Variants in TMEFF1 observed in about 807,000 individuals in gnomAD.
TMEFF1 encodes tomoregulin-1.
In TMEFF1, 20 loss-of-function variants were observed where a neutral mutation model predicts 47.5. That is an observed-to-expected ratio of 0.42 (90% confidence interval 0.30 to 0.61). The LOEUF (loss-of-function observed/expected upper bound fraction) is 0.61. Ranked by LOEUF, TMEFF1 falls within the 20% of genes least tolerant of loss-of-function variation. The pLI is 0.19. For missense variants in TMEFF1, 411 were observed against 471.1 expected (o/e 0.87, Z 1.18); for synonymous variants, 162 against 166.3 (o/e 0.97, Z 0.20).
intron 1 of TMEFF1, among the ~76,000 whole-genome samples, chr9:100,490,649 G>A (rs570008355): frequency 2.3e-4 from 35 of 151,428 alleles, no homozygotes; most frequent in Admixed American, 3.3e-4. Flanking sequence ...CTTATGCTTC[G>A]TCTGTGGTAT....
At chr9:100,499,694 G>A (rs1166092290) in intron 2 of TMEFF1, among the ~76,000 whole-genome samples, 1 of 152,184 alleles carries the variant, frequency 6.6e-6, no homozygotes, top group East Asian at 1.9e-4. Flanking sequence ...ATGAGCTCAG[G>A]TAATTTTCTT....
At chr9:100,485,039 A>G (rs1837423395) in intron 1 of TMEFF1, among the ~76,000 whole-genome samples, 1 of 152,200 alleles carries the variant, frequency 6.6e-6, no homozygotes, top group African/African-American at 2.4e-5. Context: ...ATGGAATCAT[A>G]CAATATGACC....
chr9:100,543,704 AACACACACACACACACACACAC>A (rs36046142), intron 5 of TMEFF1, among the ~76,000 whole-genome samples: 2 of 138,824 alleles, frequency 1.4e-5, no homozygotes, highest in Non-Finnish European at 3.1e-5. Context: ...GATGAAGTAA[AACACACACACACACACACACAC>A]ACACACACAC....
chr9:100,494,269 A>T (rs1324064842), intron 1 of TMEFF1, among the ~76,000 whole-genome samples: 1 of 151,490 alleles, frequency 6.6e-6, no homozygotes, highest in African/African-American at 2.4e-5. Context: ...GATTCTCTTG[A>T]TAAATTTTAT....
At chr9:100,489,556 A>G (rs1438802925) in intron 1 of TMEFF1, among the ~76,000 whole-genome samples, 1 of 152,264 alleles carries the variant, frequency 6.6e-6, no homozygotes, top group East Asian at 1.9e-4. Context: ...TAAAAGTAAT[A>G]CAAGTTTGTT....
At chr9:100,481,926 C>T (rs1374774286) in intron 1 of TMEFF1, among the ~76,000 whole-genome samples, 5 of 151,048 alleles carry the variant, frequency 3.3e-5, no homozygotes, top group Middle Eastern at 3.2e-3. Context: ...GTACTGCAGG[C>T]GCATACCACT....
At chr9:100,533,713 T>C (rs1479416986) in intron 5 of TMEFF1, among the ~76,000 whole-genome samples, 1 of 152,160 alleles carries the variant, frequency 6.6e-6, no homozygotes, top group East Asian at 1.9e-4. Context: ...ATTTTTTGTC[T>C]TTTTATTTTA....
chr9:100,529,476 A>G (rs2118439741), intron 5 of TMEFF1, among the ~76,000 whole-genome samples: 1 of 146,358 alleles, frequency 6.8e-6, no homozygotes, highest in South Asian at 2.3e-4. Flanking sequence ...AAACCAACAA[A>G]GATCAAAAGA....
At chr9:100,497,621 G>A (rs1837676533) in intron 1 of TMEFF1, among the ~76,000 whole-genome samples, 1 of 151,960 alleles carries the variant, frequency 6.6e-6, no homozygotes, top group African/African-American at 2.4e-5. Context: ...GGGAATAAAT[G>A]GGGTAGAGAG....
At chr9:100,555,440 T>C (rs945787980) in intron 7 of TMEFF1, among the ~76,000 whole-genome samples, 2 of 152,210 alleles carry the variant, frequency 1.3e-5, no homozygotes, top group Non-Finnish European at 2.9e-5. Context: ...GCCATTCTGC[T>C]TTTTATCTGT....
chr9:100,527,345 G>A (rs1838281283), intron 5 of TMEFF1, among the ~76,000 whole-genome samples: 1 of 152,172 alleles, frequency 6.6e-6, no homozygotes, highest in Non-Finnish European at 1.5e-5. Flanking sequence ...CATCTCACTA[G>A]GGAGTGCCAG....
chr9:100,533,917 C>T (rs1272202330), intron 5 of TMEFF1, among the ~76,000 whole-genome samples: 1 of 152,028 alleles, frequency 6.6e-6, no homozygotes, highest in Non-Finnish European at 1.5e-5. Context: ...TGAAGTTTCA[C>T]CATGTTGGCC....
At chr9:100,518,312 A>G (rs1283431417) in intron 5 of TMEFF1, 1 of 329,678 alleles carries the variant, frequency 3.0e-6, no homozygotes, top group African/African-American at 2.2e-5. Context: ...ACACCTCCTC[A>G]TAGTGTAATA....
chr9:100,520,960 T>C (rs973248600), intron 5 of TMEFF1, among the ~76,000 whole-genome samples: 4 of 152,218 alleles, frequency 2.6e-5, no homozygotes, highest in African/African-American at 9.7e-5. Context: ...AATGTTTTCT[T>C]CTCTCTTGTA....
At chr9:100,527,097 C>T (rs895743095) in intron 5 of TMEFF1, among the ~76,000 whole-genome samples, 10 of 150,820 alleles carry the variant, frequency 6.6e-5, no homozygotes, top group African/African-American at 2.2e-4. Flanking sequence ...GAGCCAAAAT[C>T]GCGCCACTGC....
At chr9:100,517,898 T>C (rs1482055630) in intron 5 of TMEFF1, among the ~76,000 whole-genome samples, 1 of 152,232 alleles carries the variant, frequency 6.6e-6, no homozygotes, top group Non-Finnish European at 1.5e-5. Flanking sequence ...TTTGTACTAA[T>C]GATATGGCAT....
chr9:100,506,561 C>T (rs543800051), intron 2 of TMEFF1, among the ~76,000 whole-genome samples: 2 of 151,728 alleles, frequency 1.3e-5, no homozygotes, highest in African/African-American at 2.4e-5. Flanking sequence ...GTCAGGAGAT[C>T]GAGACCATCC....
chr9:100,533,865 T>G (rs1838451427), intron 5 of TMEFF1, among the ~76,000 whole-genome samples: 2 of 152,108 alleles, frequency 1.3e-5, no homozygotes, highest in African/African-American at 4.8e-5. Flanking sequence ...ATTACAGGCG[T>G]GCACCACCAT....
chr9:100,515,860 G>A (rs1411925879), intron 4 of TMEFF1, among the ~76,000 whole-genome samples: 2 of 151,728 alleles, frequency 1.3e-5, no homozygotes, highest in Non-Finnish European at 2.9e-5. Context: ...AACCAAATTC[G>A]AGGGAAATCC....
Sources: gnomAD v4.1 joint callset for allele counts (sites outside exome capture counted in the v4.1 genomes callset) on GRCh38, gnomAD v4.1.1 for gene constraint, MANE v1.5 for transcripts, NCBI Gene and HGNC (gene_info 2026-07-23, HGNC 2026-07-21) for gene names.